DNAH14: variants seen among roughly 807,000 people sequenced by gnomAD.
DNAH14 encodes the protein axonemal beta dynein heavy chain 14.
DNAH14 carries 478 observed loss-of-function variants against 520.9 expected under a neutral mutation model. The ratio of observed to expected loss-of-function variants is 0.92; its 90% CI spans 0.85 to 0.99. DNAH14 has a LOEUF of 0.99. Ranked by LOEUF, DNAH14 falls within the 50% of genes least tolerant of loss-of-function variation. The pLI, the probability that DNAH14 is intolerant of heterozygous loss-of-function variation, is 0.00. For synonymous variants in DNAH14, 1,581 were observed against 1,757.2 expected (o/e 0.90, Z 2.51); for missense variants, 4,831 against 5,234.5 (o/e 0.92, Z 2.38).
At chr1:225,308,156 C>A in intron 59 of DNAH14, 129 bp from the exon 60 acceptor site, 1 of 974,392 alleles carries the variant, frequency 1.0e-6, no homozygotes, top group Non-Finnish European at 1.5e-6. Context: ...TTTTATGAAT[C>A]TATTAAATAT....
rs561066321 is a variant in DNAH14, at chr1:224,945,445, C to G, written c.-33-7225C>G. ...TCTTTGCCATGGGTTTGAACTTGCTCTTTTAGCTCAGAGTAGTTTGATCAT... is the reference window on the plus strand; with the variant it reads ...TCTTTGCCATGGGTTTGAACTTGCTGTTTTAGCTCAGAGTAGTTTGATCAT... On this transcript the variant is annotated intron_variant, in intron 1 of 85. Coordinates refer to ENST00000682510, the MANE Select transcript of DNAH14 (RefSeq NM_001367479.1). 1.8e-4 allele frequency among the ~76,000 whole-genome samples: 28 copies of G among 152,174 alleles called. No individual in the cohort carries two copies. In the South Asian group the frequency reaches 5.0e-3, roughly 27 times the overall value.
intron 36 of DNAH14, among the ~76,000 whole-genome samples, chr1:225,169,743 A>G (rs1234298297): frequency 6.6e-6 from 1 of 152,216 alleles, no homozygotes; most frequent in Non-Finnish European, 1.5e-5. Context: ...GCAAGCCAAC[A>G]TTCAAATTCA....
At position 225,398,650 on chromosome 1, in the gene DNAH14, A is replaced by C; in HGVS notation, c.13622A>C (p.Tyr4541Ser). ...ATGTGCTGTGATTTTCCCGACATAT[A>C]CTTTTTGCCAACAAAGGTAATCACC... ...LEMCCDFPDI[Y>S]FLPTKISTKT... is the part of the protein sequence containing the mutation. The change falls in exon 85 of 86, where the codon TAC (tyrosine) becomes TCC (serine). Residue 4541 changes from tyrosine (Y) to serine (S), a missense_variant. Tyr to Ser is a moderately radical substitution (Grantham distance 144). Transcript: ENST00000682510. 6.4e-7 allele frequency: 1 copy of C among 1,551,686 alleles called. No homozygotes were observed. Among genetic ancestry groups the C allele is most frequent in the Non-Finnish European group, 8.7e-7 (1 of 1,146,962 alleles).
intron 41 of DNAH14, among the ~76,000 whole-genome samples, chr1:225,214,462 G>A (rs1280258172): frequency 1.3e-5 from 2 of 152,290 alleles, no homozygotes; most frequent in South Asian, 2.1e-4. Flanking sequence ...TCTACTGATT[G>A]GAATAGTTCA....
chr1:225,366,601 T>C (rs975972340), intron 76 of DNAH14, among the ~76,000 whole-genome samples: 3 of 152,196 alleles, frequency 2.0e-5, no homozygotes, highest in African/African-American at 7.2e-5. Flanking sequence ...GCAACCTGAA[T>C]TAAAGGATGT....
chr1:225,275,508 G>A (rs1234585279), intron 52 of DNAH14, among the ~76,000 whole-genome samples: 2 of 152,162 alleles, frequency 1.3e-5, no homozygotes, highest in African/African-American at 4.8e-5. Context: ...ACCAGGAAAG[G>A]ACATGTGGAA....
At chr1:225,277,593 C>A in intron 54 of DNAH14, 91 bp downstream of exon 54, 1 of 422,930 alleles carries the variant, frequency 2.4e-6, no homozygotes, top group Non-Finnish European at 4.9e-6. Context: ...TTTTATTTAG[C>A]CACACTTTGT....
intron 73 of DNAH14, among the ~76,000 whole-genome samples, chr1:225,356,793 T>C (rs2095434203): frequency 6.6e-6 from 1 of 152,182 alleles, no homozygotes; most frequent in African/African-American, 2.4e-5. Context: ...GAATTTTATG[T>C]AGCAAGGATG....
intron 1 of DNAH14, among the ~76,000 whole-genome samples, chr1:224,942,493 T>C (rs1285918804): frequency 1.3e-5 from 2 of 152,186 alleles, no homozygotes; most frequent in African/African-American, 2.4e-5. Flanking sequence ...GAATACCCTT[T>C]ATTTCCTTCT....
intron 46 of DNAH14, among the ~76,000 whole-genome samples, chr1:225,260,775 CA>C (rs1242877619): frequency 6.6e-6 from 1 of 152,160 alleles, no homozygotes; most frequent in East Asian, 1.9e-4. Context: ...TCCATGAACA[CA>C]AGATATCTTT....
At chr1:225,392,490 C>A in intron 84 of DNAH14, 39 bp downstream of exon 84, 3 of 1,546,598 alleles carry the variant, frequency 1.9e-6, no homozygotes, top group Non-Finnish European at 2.6e-6. Context: ...GGTGATCATT[C>A]ATTCATTCAT....
chr1:225,383,948 C>A (rs1345596538), intron 81 of DNAH14, among the ~76,000 whole-genome samples: 1 of 152,130 alleles, frequency 6.6e-6, no homozygotes, highest in Admixed American at 6.5e-5. Flanking sequence ...TCTTTGTTTT[C>A]ATTGGTTTCA....
At chr1:225,106,527 G>C (rs150448881) in intron 23 of DNAH14, among the ~76,000 whole-genome samples, 5 of 152,164 alleles carry the variant, frequency 3.3e-5, no homozygotes, top group African/African-American at 1.2e-4. Context: ...CCAATCAGAC[G>C]TAGATTTGGT....
In DNAH14 at chr1:225,322,667, A is replaced by G. The variant is rs781495652; in HGVS notation, c.9339A>G (p.Val3113=). 9 of 1,537,738 alleles carry G rather than the reference A, an allele frequency of 5.9e-6. No individual in the cohort carries two copies. Among genetic ancestry groups the G allele is most frequent in the South Asian group, 2.4e-5 (2 of 82,810 alleles). ...LDKADVAELR[V]YTRPPFLVLT... ...AGATTTTCATCATCTATTACAGAGTATACACACGGCCTCCCTTCCTTGTAC... is the reference window on the plus strand; with the variant it reads ...AGATTTTCATCATCTATTACAGAGTGTACACACGGCCTCCCTTCCTTGTAC... Residue 3113 remains valine (V), a synonymous_variant, in exon 62 of 86, where the codon GTA becomes GTG. Coordinates refer to ENST00000682510, the MANE Select transcript of DNAH14 (RefSeq NM_001367479.1).
chr1:225,106,242 G>T lies in DNAH14; in HGVS notation c.3867+5358G>T, dbSNP rs569450110. 2.6e-5 allele frequency among the ~76,000 whole-genome samples: 4 copies of T among 151,810 alleles called. No homozygotes were observed. In the East Asian group the frequency reaches 7.7e-4, roughly 29 times the overall value. On this transcript the variant is annotated intron_variant, in intron 23 of 85. Coordinates refer to ENST00000682510, the MANE Select transcript of DNAH14 (RefSeq NM_001367479.1). ...TCTTCTGGCTTGCAGAGTTTCTGCCGAGAGACCAGCTGTTAGTGTGATGGG... is the reference window on the plus strand; with the variant it reads ...TCTTCTGGCTTGCAGAGTTTCTGCCTAGAGACCAGCTGTTAGTGTGATGGG...
intron 77 of DNAH14, among the ~76,000 whole-genome samples, 163 bp downstream of exon 77, chr1:225,368,195 G>C (rs907604723): frequency 2.6e-5 from 4 of 152,178 alleles, no homozygotes; most frequent in Admixed American, 6.5e-5. Context: ...GGTCTTTGAT[G>C]CCAGCTTTTC....
At chr1:224,963,541 T>G (rs574383237) in intron 4 of DNAH14, among the ~76,000 whole-genome samples, 1 of 152,286 alleles carries the variant, frequency 6.6e-6, no homozygotes, top group South Asian at 2.1e-4. Flanking sequence ...TTTTCACTTA[T>G]TAGATTGGCT....
Position 225,208,905 on chromosome 1 carries a change from T to G in DNAH14, c.6439+1685T>G, listed in dbSNP as rs2087959721. ...AGCCCATTGAAAGAATTCTCATATT[T>G]GATATTGTGGTTTTTATTTCCAGCA... On this transcript the variant is annotated intron_variant, in intron 41 of 85. Transcript: ENST00000682510. 2.6e-5 allele frequency among the ~76,000 whole-genome samples: 4 copies of G among 152,212 alleles called. No homozygotes were observed. In the South Asian group the frequency reaches 8.3e-4, roughly 32 times the overall value.
intron 51 of DNAH14, 29 bp from the exon 52 acceptor site, chr1:225,272,926 A>G (rs894004351): frequency 6.7e-7 from 1 of 1,496,206 alleles, no homozygotes; most frequent in African/African-American, 1.4e-5. Flanking sequence ...ATTTTTTTTA[A>G]AAAAACGTTA....
Sources: gnomAD v4.1 joint callset for allele counts (sites outside exome capture counted in the v4.1 genomes callset) on GRCh38, gnomAD v4.1.1 for gene constraint, MANE v1.5 for transcripts, NCBI Gene and HGNC (gene_info 2026-07-23, HGNC 2026-07-21) for gene names.